CMSS1: variants seen among roughly 807,000 people sequenced by gnomAD.
CMSS1 encodes the protein cms1 ribosomal small subunit homolog.
A neutral mutation model predicts 43.5 loss-of-function variants in CMSS1; 33 were observed. The ratio of observed to expected loss-of-function variants is 0.76; its 90% CI spans 0.57 to 1.01. CMSS1 has a LOEUF of 1.01. CMSS1 is among the 50% of genes least tolerant of loss of function. The pLI, the probability that CMSS1 is intolerant of heterozygous loss-of-function variation, is 0.00. For missense variants in CMSS1, 313 were observed against 326.4 expected (o/e 0.96, Z 0.32); for synonymous variants, 115 against 117.2 (o/e 0.98, Z 0.12).
intron 1 of CMSS1, among the ~76,000 whole-genome samples, chr3:99,883,298 C>T (rs1705789114): frequency 6.6e-6 from 1 of 152,184 alleles, no homozygotes; most frequent in Admixed American, 6.5e-5. Context: ...TTCATCTTTC[C>T]ATGACACCAT....
At chr3:100,106,203 A>G (rs2066392747) in intron 1 of CMSS1, among the ~76,000 whole-genome samples, 1 of 152,186 alleles carries the variant, frequency 6.6e-6, no homozygotes, top group Non-Finnish European at 1.5e-5. Flanking sequence ...TGCAGCAACA[A>G]GTCAGTACAG....
At chr3:100,021,362 T>C (rs189725679) in intron 1 of CMSS1, among the ~76,000 whole-genome samples, 48 of 152,358 alleles carry the variant, frequency 3.2e-4, no homozygotes, top group African/African-American at 1.2e-3. Flanking sequence ...ATTGCTGCCT[T>C]CCAAGTTCAG....
chr3:99,848,946 A>C (rs781244378), intron 1 of CMSS1: 1 of 1,614,024 alleles, frequency 6.2e-7, no homozygotes, highest in Non-Finnish European at 8.5e-7. Context: ...TGTTTTGTAC[A>C]TGGTCTGGAG....
chr3:100,019,423 C>G (rs2064764371), intron 1 of CMSS1, among the ~76,000 whole-genome samples: 1 of 152,016 alleles, frequency 6.6e-6, no homozygotes, highest in Admixed American at 6.6e-5. Context: ...AAAGGAATAG[C>G]AGGTGATTGA....
Position 100,061,154 on chromosome 3 carries a change from T to A in CMSS1, c.65-85819T>A, listed in dbSNP as rs566838027. Among the ~76,000 whole-genome samples, 72 of 151,958 alleles carry A rather than the reference T, an allele frequency of 4.7e-4. 1 individual carries two copies. The highest frequency in any genetic ancestry group is 1.0e-3 in the South Asian group (5 of 4,802). On this transcript the variant is annotated intron_variant, in intron 1 of 9. Coordinates refer to ENST00000421999, the MANE Select transcript of CMSS1 (RefSeq NM_032359.4). ...TGTTAAAATTTAAAAAAAAAAAAAA[T>A]TTTAAAAGGAAGGAAGGGTACAATT...
chr3:99,941,254 T>G (rs1484787053), intron 1 of CMSS1, among the ~76,000 whole-genome samples: 2 of 152,120 alleles, frequency 1.3e-5, no homozygotes, highest in African/African-American at 2.4e-5. Flanking sequence ...AAAACTGAAG[T>G]GTTATAAAGC....
chr3:100,093,797 C>T (rs1377629060), intron 1 of CMSS1, among the ~76,000 whole-genome samples: 1 of 152,226 alleles, frequency 6.6e-6, no homozygotes, highest in Non-Finnish European at 1.5e-5. Flanking sequence ...TAGAATCATA[C>T]AACATGTAAC....
chr3:100,102,273 C>G (rs907113569), intron 1 of CMSS1, among the ~76,000 whole-genome samples: 1 of 152,158 alleles, frequency 6.6e-6, no homozygotes, highest in South Asian at 2.1e-4. Context: ...CACATCCTCT[C>G]CAGCACCTGT....
At chr3:99,909,168 T>C (rs539512317) in intron 1 of CMSS1, among the ~76,000 whole-genome samples, 2 of 152,322 alleles carry the variant, frequency 1.3e-5, no homozygotes, top group East Asian at 3.9e-4. Context: ...GTTGAGGCTA[T>C]GGGTGAAAGA....
intron 1 of CMSS1, among the ~76,000 whole-genome samples, chr3:100,065,280 C>A (rs908095366): frequency 6.6e-6 from 1 of 152,126 alleles, no homozygotes; most frequent in Non-Finnish European, 1.5e-5. Flanking sequence ...CCAGATAATG[C>A]TTTTTCCTGC....
At chr3:100,110,406 C>T (rs979726207) in intron 1 of CMSS1, among the ~76,000 whole-genome samples, 3 of 152,036 alleles carry the variant, frequency 2.0e-5, no homozygotes, top group African/African-American at 4.8e-5. Context: ...AGCTTTATCC[C>T]GTTTGCTATC....
intron 1 of CMSS1, among the ~76,000 whole-genome samples, chr3:99,860,973 CATCT>C (rs1944221466): frequency 6.6e-6 from 1 of 152,106 alleles, no homozygotes. Flanking sequence ...ACTCAGATGA[CATCT>C]ATCAAGAAGG....
chr3:100,024,840 C>G (rs749428211), intron 1 of CMSS1, among the ~76,000 whole-genome samples: 8 of 152,116 alleles, frequency 5.3e-5, no homozygotes, highest in Non-Finnish European at 7.3e-5. Flanking sequence ...ACAAGGCTTG[C>G]CCAAGGTCAG....
At chr3:99,932,655 C>T (rs368257188) in intron 1 of CMSS1, among the ~76,000 whole-genome samples, 78 of 152,194 alleles carry the variant, frequency 5.1e-4, no homozygotes, top group African/African-American at 1.6e-3. Context: ...TTTGGGAGGC[C>T]GAGGCAGGCG....
intron 1 of CMSS1, among the ~76,000 whole-genome samples, chr3:100,074,434 A>G (rs2065813910): frequency 6.6e-6 from 1 of 152,066 alleles, no homozygotes; most frequent in South Asian, 2.1e-4. Context: ...TTTCTACTCT[A>G]AAATGTAACT....
intron 1 of CMSS1, among the ~76,000 whole-genome samples, chr3:100,080,411 A>C (rs920764709): frequency 1.3e-5 from 2 of 152,210 alleles, no homozygotes; most frequent in African/African-American, 4.8e-5. Flanking sequence ...AGTGAGCATA[A>C]CAATCACCCA....
intron 1 of CMSS1, among the ~76,000 whole-genome samples, chr3:99,947,186 G>T (rs1187869397): frequency 6.6e-6 from 1 of 150,808 alleles, no homozygotes; most frequent in African/African-American, 2.4e-5. Flanking sequence ...CTGAAAAATG[G>T]GGAAGCAGGC....
intron 1 of CMSS1, among the ~76,000 whole-genome samples, chr3:99,855,932 C>T (rs1463446000): frequency 6.6e-6 from 1 of 152,186 alleles, no homozygotes; most frequent in Non-Finnish European, 1.5e-5. Flanking sequence ...AAAAGTCTGA[C>T]TTCATTTTTC....
intron 1 of CMSS1, among the ~76,000 whole-genome samples, chr3:99,917,570 A>T (rs1706992268): frequency 6.6e-6 from 1 of 152,190 alleles, no homozygotes; most frequent in Non-Finnish European, 1.5e-5. Flanking sequence ...GCATTGGTCT[A>T]GATTGCTAGG....
Sources: allele counts gnomAD v4.1 joint callset (sites outside exome capture counted in the v4.1 genomes callset), GRCh38; gene constraint gnomAD v4.1.1; transcripts MANE v1.5; gene names NCBI Gene and HGNC (gene_info 2026-07-23, HGNC 2026-07-21).